The following COL14A1 variants were observed in gnomAD, a reference collection of about 807,000 sequenced individuals.
COL14A1 encodes collagen alpha-1(XIV) chain.
COL14A1 carries 136 observed loss-of-function variants against 230.3 expected under a neutral mutation model. The observed-to-expected ratio is 0.59, with a 90% CI of 0.51 to 0.68. COL14A1 has a LOEUF of 0.68. COL14A1 is among the 30% of genes least tolerant of loss of function. The probability of loss-of-function intolerance (pLI) is 0.00; values close to 1 mark genes in which losing one functional copy is unlikely to be tolerated. For missense variants in COL14A1, 1,976 were observed against 2,215.8 expected, an observed-to-expected ratio of 0.89 and a Z score of 2.17; for synonymous variants, 792 against 784.1, an observed-to-expected ratio of 1.01 and a Z score of -0.17.
chr8:120,365,998 A>G (rs569401883), intron 45 of COL14A1, among the ~76,000 whole-genome samples: 1 of 152,350 alleles, frequency 6.6e-6, no homozygotes, highest in East Asian at 1.9e-4. Flanking sequence ...AACAACCATT[A>G]TATGTGCAGT....
intron 13 of COL14A1, among the ~76,000 whole-genome samples, chr8:120,215,388 A>AAAGGAAGGAAGGAAGG (rs369319185): frequency 2.0e-5 from 3 of 151,612 alleles, no homozygotes; most frequent in Non-Finnish European, 4.4e-5. Context: ...GAAAGAAAAG[A>AAAGGAAGGAAGGAAGG]AAGGAAGGAA....
rs116193650 is a variant in COL14A1, at chr8:120,215,785, G to A, written c.1598-566G>A. Reference sequence around the variant, plus strand: ...AGGCTCCAAGGTTTTTGACTGATCAGTGGGAAGGATAGAGTTTCCATTTGC... The same window carrying A: ...AGGCTCCAAGGTTTTTGACTGATCAATGGGAAGGATAGAGTTTCCATTTGC... On this transcript the variant is annotated intron_variant, in intron 13 of 47. Coordinates refer to ENST00000297848, the MANE Select transcript of COL14A1 (RefSeq NM_021110.4). 5.2e-3 allele frequency among the ~76,000 whole-genome samples: 797 copies of A among 152,288 alleles called. 11 individuals carry two copies. The highest frequency in any genetic ancestry group is 0.018 in the African/African-American group (748 of 41,550).
intron 1 of COL14A1, among the ~76,000 whole-genome samples, chr8:120,131,674 C>T (rs1379701410): frequency 6.6e-6 from 1 of 151,832 alleles, no homozygotes; most frequent in Non-Finnish European, 1.5e-5. Context: ...TATTTACTCT[C>T]TTGATAGTTT....
intron 3 of COL14A1, among the ~76,000 whole-genome samples, chr8:120,161,807 AC>A (rs1815680849): frequency 1.3e-5 from 2 of 152,152 alleles, no homozygotes; most frequent in South Asian, 4.1e-4. Context: ...GGGACTACAG[AC>A]AAACACCACC....
chr8:120,182,670 T>C (rs1262744777), intron 5 of COL14A1, among the ~76,000 whole-genome samples: 1 of 151,786 alleles, frequency 6.6e-6, no homozygotes, highest in East Asian at 1.9e-4. Context: ...AGGAAATAAC[T>C]AGGCAACTCT....
chr8:120,287,549 C>T (rs376480126), intron 33 of COL14A1, among the ~76,000 whole-genome samples: 75 of 152,276 alleles, frequency 4.9e-4, no homozygotes, highest in African/African-American at 1.7e-3. Context: ...TCCAAAGAAT[C>T]CTTTGTAAGT....
intron 34 of COL14A1, among the ~76,000 whole-genome samples, chr8:120,292,381 G>A (rs1269551526): frequency 6.6e-6 from 1 of 152,038 alleles, no homozygotes; most frequent in African/African-American, 2.4e-5. Flanking sequence ...TTCTTTGTAA[G>A]GCTAGTAGGA....
chr8:120,333,499 G>A (rs1255773327), intron 42 of COL14A1, among the ~76,000 whole-genome samples: 1 of 152,184 alleles, frequency 6.6e-6, no homozygotes. Flanking sequence ...CTGAAACATT[G>A]AAAAATGCAA....
chr8:120,202,548 A>G (rs1817284521), intron 8 of COL14A1, among the ~76,000 whole-genome samples: 1 of 152,168 alleles, frequency 6.6e-6, no homozygotes, highest in Admixed American at 6.5e-5. Flanking sequence ...CTTCATACCC[A>G]TAAAACTTAA....
chr8:120,277,904 A>G (rs1819903244), intron 26 of COL14A1: 2 of 327,026 alleles, frequency 6.1e-6, no homozygotes, highest in Non-Finnish European at 1.1e-5. Context: ...TACCCTCTGA[A>G]TCTAAAATAA....
At chr8:120,129,458 G>A (rs750940446) in intron 1 of COL14A1, among the ~76,000 whole-genome samples, 76 of 152,310 alleles carry the variant, frequency 5.0e-4, no homozygotes, top group Non-Finnish European at 8.4e-4. Flanking sequence ...TCAAGCAGCT[G>A]TCATTCCAAT....
chr8:120,209,868 T>C lies in COL14A1; in HGVS notation c.1434T>C (p.Pro478=). The change falls in exon 12 of 48, where the codon CCT becomes CCC. Residue 478 remains proline, a synonymous_variant. Transcript: ENST00000297848. ...CAGGTTACCTGATCCTTTATGCTCC[T>C]CTAACAGAGGGCCTGGCTGGGGATG... ...GASGYLILYA[P]LTEGLAGDEK... The C allele has an allele frequency of 6.2e-7, 1 of 1,611,952 alleles. No homozygotes were observed. Among genetic ancestry groups the C allele is most frequent in the Non-Finnish European group, 8.5e-7 (1 of 1,179,100 alleles).
chr8:120,303,287 G>A (rs1027500334), intron 36 of COL14A1, among the ~76,000 whole-genome samples: 7 of 152,234 alleles, frequency 4.6e-5, no homozygotes, highest in African/African-American at 1.7e-4. Flanking sequence ...AAATAGGAGT[G>A]GTGAGAGAGA....
intron 24 of COL14A1, among the ~76,000 whole-genome samples, chr8:120,265,555 G>T (rs189200401): frequency 1.3e-5 from 2 of 151,504 alleles, no homozygotes; most frequent in African/African-American, 4.8e-5. Context: ...TTCCTTTTCA[G>T]AAATATTTCC....
At chr8:120,215,510 G>C (rs11994477) in intron 13 of COL14A1, among the ~76,000 whole-genome samples, 1 of 152,132 alleles carries the variant, frequency 6.6e-6, no homozygotes, top group African/African-American at 2.4e-5. Flanking sequence ...CATTTGGAAG[G>C]TTTTGTGCAG....
At chr8:120,265,407 C>CA (rs1300839795) in intron 24 of COL14A1, among the ~76,000 whole-genome samples, 8 of 151,832 alleles carry the variant, frequency 5.3e-5, no homozygotes, top group East Asian at 1.9e-4. Context: ...ATCCTAGTTA[C>CA]AAAAAAAATT....
rs767882580 is a variant in COL14A1 at position 120,227,286 on chromosome 8, G to A, written c.2071G>A (p.Val691Ile). The change falls in exon 17 of 48, where the codon GTT (valine) becomes ATT (isoleucine). Residue 691 changes from valine (V) to isoleucine (I), a missense_variant. Around this residue, in one of 3 missense-constraint regions of COL14A1, gnomAD observed 1,791 missense variants for 2,019.5 expected, o/e 0.89. Coordinates refer to ENST00000297848, the MANE Select transcript of COL14A1 (RefSeq NM_021110.4). ...EGLEPGTEYE[V>I]SLLAVLDDGS... is the part of the protein sequence containing the mutation. ...CCTGGAGCCCGGTACGGAGTATGAA[G>A]TTTCACTATTGGCCGTACTTGATGA... The A allele has an allele frequency of 1.2e-6, 2 of 1,613,960 alleles. No homozygotes were observed. The highest frequency in any genetic ancestry group is 1.7e-6 in the Non-Finnish European group (2 of 1,180,024).
rs767741090 is a variant in COL14A1, at chr8:120,280,902, A to ACTT, written c.3686-18_3686-16dup. ...TATTCCTTATGTTTATTCTTTTTCT[A>ACTT]CTTTTTTTTTTTTTTTAGGATTTAA... On this transcript the variant is annotated intron_variant, in intron 30 of 47. Coordinates refer to ENST00000297848, the MANE Select transcript of COL14A1 (RefSeq NM_021110.4). 7.5e-7 allele frequency: 1 copy of ACTT among 1,328,510 alleles called. No individual in the cohort carries two copies. The highest frequency in any genetic ancestry group is 1.0e-6 in the Non-Finnish European group (1 of 996,336). 82.3% of individuals were successfully genotyped at this position (1,328,510 alleles called of 1,614,324 possible).
intron 5 of COL14A1, among the ~76,000 whole-genome samples, chr8:120,172,816 A>G (rs1027385778): frequency 9.9e-5 from 15 of 152,190 alleles, no homozygotes; most frequent in Non-Finnish European, 1.3e-4. Flanking sequence ...CATAAGAACT[A>G]TCAAATACAA....
Sources: allele counts gnomAD v4.1 joint callset (sites outside exome capture counted in the v4.1 genomes callset), GRCh38; gene constraint gnomAD v4.1.1; regional missense constraint gnomAD v4.1.1; transcripts MANE v1.5; gene names NCBI Gene and HGNC (gene_info 2026-07-23, HGNC 2026-07-21).